The following ACADS variants were observed in gnomAD, a reference collection of about 807,000 sequenced individuals.
The protein encoded by ACADS is acyl-CoA dehydrogenase short chain.
Under a neutral mutation model 46.8 loss-of-function variants are expected in ACADS, and 28 were observed. That is an observed-to-expected ratio of 0.60 (90% confidence interval 0.44 to 0.82). The LOEUF is 0.82. ACADS is among the 40% of genes least tolerant of loss of function. The pLI is 0.00. For missense variants in ACADS, 528 were observed against 578.0 expected, an observed-to-expected ratio of 0.91 and a Z score of 0.89; for synonymous variants, 236 against 237.7, an observed-to-expected ratio of 0.99 and a Z score of 0.07.
intron 9 of ACADS, 49 bp from the exon 10 acceptor site, chr12:120,739,247 T>A (rs1399610313): frequency 1.2e-6 from 2 of 1,612,930 alleles, no homozygotes; most frequent in Non-Finnish European, 1.7e-6. Flanking sequence ...TTCTCCAGCT[T>A]TCCCCACGCC....
rs140853839 is a variant in ACADS, at chr12:120,738,874, C to T, written c.988C>T (p.Arg330Cys). 141 of 1,613,868 alleles carry T rather than the reference C, an allele frequency of 8.7e-5. No homozygotes were observed. The African/African-American group carries it at 1.3e-3, about 15-fold the overall frequency. The change falls in exon 8 of 10, where the codon CGC (arginine) becomes TGC (cysteine). Residue 330 changes from arginine (R) to cysteine (C), a missense_variant. Coordinates refer to ENST00000242592, the MANE Select transcript of ACADS (RefSeq NM_000017.4). ...ALESARLLTWRAAMLKDNKKP... is the reference protein window; with the variant it reads ...ALESARLLTWCAAMLKDNKKP... ...GGAGAGTGCCCGGCTGCTGACCTGG[C>T]GCGCTGCCATGCTGAAGGATAACAA... is the stretch of plus-strand genomic sequence containing the variant.
At position 120,727,150 on chromosome 12, in the gene ACADS, A is replaced by G; in HGVS notation, c.171A>G (p.Ala57=). The part of the protein sequence containing the change: ...DFAEKELFPI[A]AQVDKEHLFP... ...CCGAGAAGGAGTTGTTTCCCATTGC[A>G]GCCCAGGTGGATAAGGAACATCTCT... Residue 57 remains alanine, a synonymous_variant, in exon 2 of 10, where the codon GCA becomes GCG. Coordinates refer to ENST00000242592, the MANE Select transcript of ACADS (RefSeq NM_000017.4). 3 of 1,614,174 alleles carry G rather than the reference A, an allele frequency of 1.9e-6. No individual in the cohort carries two copies. The highest frequency in any genetic ancestry group is 2.2e-5 in the East Asian group (1 of 44,880).
chr12:120,729,282 G>A (rs1401072168), intron 2 of ACADS, among the ~76,000 whole-genome samples: 2 of 145,768 alleles, frequency 1.4e-5, no homozygotes, highest in African/African-American at 2.6e-5. Context: ...TTTTGAGATG[G>A]AGTCTCACTC....
At position 120,738,800 on chromosome 12, in the gene ACADS, G is replaced by T. The variant is rs374802717; in HGVS notation, c.934-20G>T. The T allele has an allele frequency of 6.2e-7, 1 of 1,613,724 alleles. No homozygotes were observed. Among genetic ancestry groups the T allele is most frequent in the Non-Finnish European group, 8.5e-7 (1 of 1,180,004 alleles). ...GGAGGGGCAGCTGCTGACCTGTGGT[G>T]TGGGGTGGGGCTATTGCAGTTCAAG... On this transcript the variant is annotated intron_variant, in intron 7 of 9. Coordinates refer to ENST00000242592, the MANE Select transcript of ACADS (RefSeq NM_000017.4).
At chr12:120,733,544 G>C in intron 2 of ACADS, among the ~76,000 whole-genome samples, 1 of 4,304 alleles carries the variant, frequency 2.3e-4, no homozygotes, top group Non-Finnish European at 3.9e-4. Context: ...CCTGCCTGCT[G>C]AAATGGTGCC....
At chr12:120,738,226 G>A in intron 5 of ACADS, 54 bp from the exon 6 acceptor site, 1 of 1,613,384 alleles carries the variant, frequency 6.2e-7, no homozygotes, top group African/African-American at 1.3e-5. Context: ...GTGTGCTGGT[G>A]TGAGGGTGTG....
intron 2 of ACADS, among the ~76,000 whole-genome samples, chr12:120,733,617 T>C (rs1883340598): frequency 7.2e-6 from 1 of 138,442 alleles, no homozygotes; most frequent in African/African-American, 2.6e-5. Context: ...ATGGTGCCTA[T>C]TCTGAGCAGG....
At chr12:120,734,783 G>A (rs888791205) in intron 2 of ACADS, among the ~76,000 whole-genome samples, 14 of 139,664 alleles carry the variant, frequency 1.0e-4, no homozygotes, top group African/African-American at 1.9e-4. Context: ...ACAGATTCTC[G>A]CTCTGTCGCC....
At chr12:120,734,934 T>C (rs1883379133) in intron 2 of ACADS, among the ~76,000 whole-genome samples, 1 of 150,424 alleles carries the variant, frequency 6.6e-6, no homozygotes, top group Non-Finnish European at 1.5e-5. Context: ...ATATTTTTGG[T>C]AGAGATATGG....
Position 120,735,284 on chromosome 12 carries a change from A to AAG in ACADS, c.211-1701_211-1700insGA, listed in dbSNP as rs1185427471. Reference sequence around the variant, plus strand: ...GAGACTCTGTTTCAAAAAAAAAAAAAAAAAAGAAAAAAGAAACAAACAAAG... The same window carrying AAG: ...GAGACTCTGTTTCAAAAAAAAAAAAAAGAAAAAGAAAAAAGAAACAAACAAAG... On this transcript the variant is annotated intron_variant, in intron 2 of 9. Transcript: ENST00000242592. Among the ~76,000 whole-genome samples the AAG allele has an allele frequency of 9.7e-5, 14 of 144,052 alleles. 1 individual carries two copies. The South Asian group carries it at 2.8e-3, about 29-fold the overall frequency. 94.5% of individuals were successfully genotyped at this position (144,052 alleles called of 152,430 possible). A position where few individuals can be genotyped will look rare whatever the true frequency, so the allele number is the denominator to read the frequency against.
intron 2 of ACADS, among the ~76,000 whole-genome samples, chr12:120,735,673 G>T (rs1420421826): frequency 6.6e-6 from 1 of 152,064 alleles, no homozygotes; most frequent in Non-Finnish European, 1.5e-5. Context: ...GGCCGAGGTG[G>T]GTGGATCACG....
rs147038701 is a variant in ACADS at position 120,737,871 on chromosome 12, C to T, written c.507C>T (p.Thr169=). ...GTGATGCAGGAGCTGCGTCCACCAC[C>T]GCCCGGGCCGAGGGCGACTCATGGG... is the stretch of plus-strand genomic sequence containing the variant. ...NGSDAGAAST[T]ARAEGDSWVL... The change falls in exon 5 of 10, where the codon ACC becomes ACT. Residue 169 remains threonine, a synonymous_variant. Coordinates refer to ENST00000242592, the MANE Select transcript of ACADS (RefSeq NM_000017.4). 3.3e-5 allele frequency: 53 copies of T among 1,613,984 alleles called. No homozygotes were observed. Among genetic ancestry groups the T allele is most frequent in the Non-Finnish European group, 3.9e-5 (46 of 1,179,914 alleles).
chr12:120,739,907 C>G lies in ACADS; in HGVS notation c.*459C>G, dbSNP rs1883606148. 1 of 193,624 alleles carries G rather than the reference C, an allele frequency of 5.2e-6. No homozygotes were observed. The highest frequency in any genetic ancestry group is 1.3e-4 in the East Asian group (1 of 7,630). The allele number at this position is 193,624 out of a possible 1,614,324, so 12.0% of individuals were successfully genotyped here. Reference sequence around the variant, plus strand: ...CAGGTGGTGGGGCTGGGCCATGGAGCTGGCCCAGAGGCCCCTCAGCCCTTT... The same window carrying G: ...CAGGTGGTGGGGCTGGGCCATGGAGGTGGCCCAGAGGCCCCTCAGCCCTTT... On this transcript the variant is annotated 3_prime_UTR_variant, in exon 10 of 10. Coordinates refer to ENST00000242592, the MANE Select transcript of ACADS (RefSeq NM_000017.4).
chr12:120,731,059 C>T (rs1022192974), intron 2 of ACADS, among the ~76,000 whole-genome samples: 2 of 151,932 alleles, frequency 1.3e-5, no homozygotes, highest in Non-Finnish European at 2.9e-5. Context: ...CTCAAGTGAT[C>T]CTCATGCCTC....
intron 2 of ACADS, among the ~76,000 whole-genome samples, chr12:120,734,753 A>T (rs930403517): frequency 2.2e-5 from 3 of 136,860 alleles, no homozygotes; most frequent in South Asian, 2.4e-4. Context: ...AAAAACAATA[A>T]TTTTTTTTTT....
chr12:120,737,967 G>T lies in ACADS; in HGVS notation c.603G>T (p.Thr201=). ...CGGCTGCCGTGGTCTTTGCCAGCACGGACAGAGCCCTGCAAAACAAGGTGG... is the reference window on the plus strand; with the variant it reads ...CGGCTGCCGTGGTCTTTGCCAGCACTGACAGAGCCCTGCAAAACAAGGTGG... ...EASAAVVFAS[T]DRALQNKGIS... is the part of the protein sequence containing the mutation. Residue 201 remains threonine, a synonymous_variant, in exon 5 of 10, where the codon ACG becomes ACT. Transcript: ENST00000242592. 1.2e-6 allele frequency: 2 copies of T among 1,614,034 alleles called. No individual in the cohort carries two copies. The highest frequency in any genetic ancestry group is 1.7e-6 in the Non-Finnish European group (2 of 1,180,024).
rs541763342 is a variant in ACADS, at chr12:120,728,765, G to T, written c.210+1576G>T. The stretch of plus-strand genomic sequence containing the variant: ...CAGGCAATCCACCCGCCTCGGCCTC[G>T]CAAAGTGCTGGGATTACAGGCGTGA... On this transcript the variant is annotated intron_variant, in intron 2 of 9. Transcript: ENST00000242592. The surrounding 1 kb of genome is among the most constrained non-coding windows in gnomAD (Gnocchi z 4.0). Among the ~76,000 whole-genome samples the T allele has an allele frequency of 2.7e-5, 4 of 150,888 alleles. No individual in the cohort carries two copies. In the South Asian group the frequency reaches 6.3e-4, roughly 24 times the overall value.
intron 1 of ACADS, among the ~76,000 whole-genome samples, chr12:120,726,644 C>G (rs1011609796): frequency 6.6e-6 from 1 of 152,198 alleles, no homozygotes; most frequent in Non-Finnish European, 1.5e-5. Flanking sequence ...AAAACCCTTG[C>G]CTAAGGTCAC....
At position 120,733,392 on chromosome 12, in the gene ACADS, GC is replaced by G. The variant is rs1883328514; in HGVS notation, c.211-3592del. ...TGGGAATACAAGCATGAGCCACTGC[GC>G]CTGGCAAAGTACTCTGAAGTGTGGG... On this transcript the variant is annotated intron_variant, in intron 2 of 9. Coordinates refer to ENST00000242592, the MANE Select transcript of ACADS (RefSeq NM_000017.4). 2.6e-5 allele frequency among the ~76,000 whole-genome samples: 4 copies of G among 152,252 alleles called. No homozygotes were observed. In the South Asian group the frequency reaches 8.3e-4, roughly 32 times the overall value.
Sources: gnomAD v4.1 joint callset for allele counts (sites outside exome capture counted in the v4.1 genomes callset) on GRCh38, gnomAD v4.1.1 for gene constraint, Gnocchi (gnomAD v3.1) non-coding constraint, MANE v1.5 for transcripts, NCBI Gene and HGNC (gene_info 2026-07-23, HGNC 2026-07-21) for gene names.